Variants in CMTM3 observed in about 807,000 individuals in gnomAD.
CMTM3 encodes CKLF like MARVEL transmembrane domain containing 3, also known as CKLF-like MARVEL transmembrane domain-containing protein 3.
A neutral mutation model predicts 18.2 loss-of-function variants in CMTM3; 7 were observed. The ratio of observed to expected loss-of-function variants is 0.38; its 90% confidence interval spans 0.22 to 0.72. The LOEUF is 0.72. Among genes scored for constraint, CMTM3 ranks in the 30% least tolerant of loss-of-function variants. The pLI, the probability that CMTM3 is intolerant of heterozygous loss-of-function variation, is 0.46. For missense variants in CMTM3, 227 were observed against 249.2 expected, an observed-to-expected ratio of 0.91 and a Z score of 0.60; for synonymous variants, 109 against 111.2, an observed-to-expected ratio of 0.98 and a Z score of 0.12.
At position 66,609,514 on chromosome 16, in the gene CMTM3, C is replaced by A. The variant is rs770637677; in HGVS notation, c.383C>A (p.Ala128Asp). ...GCCATCGCCAAGTACTCGGATGGGG[C>A]TTCCAAAGCCGCTGGGGTGAGCAGC... is the stretch of plus-strand genomic sequence containing the variant. The part of the protein sequence containing the change: ...ITAIAKYSDG[A>D]SKAAGVFGFF... Residue 128 changes from alanine (A) to aspartate (D), a missense_variant, in exon 3 of 5, where the codon GCT (alanine) becomes GAT (aspartate). By Grantham distance (126) the Ala-to-Asp change is moderately radical. Coordinates refer to ENST00000567572, the MANE Select transcript of CMTM3 (RefSeq NM_181553.4). The surrounding 1 kb of genome is among the most constrained non-coding windows in gnomAD (Gnocchi z 4.4). 6.2e-7 allele frequency: 1 copy of A among 1,603,700 alleles called. No individual in the cohort carries two copies. Among genetic ancestry groups the A allele is most frequent in the Non-Finnish European group, 8.5e-7 (1 of 1,174,866 alleles).
Position 66,612,785 on chromosome 16 carries a change from G to C in CMTM3, c.*148G>C, listed in dbSNP as rs1306367960. The stretch of plus-strand genomic sequence containing the variant: ...CAGGCCCCCTACAGCCTCAGGTTCT[G>C]CCTGAGCCCAGCCTACCAGGCTTGC... On this transcript the variant is annotated 3_prime_UTR_variant, in exon 5 of 5. Transcript: ENST00000567572. The surrounding 1 kb of genome is among the most constrained non-coding windows in gnomAD (Gnocchi z 6.0). 5.2e-6 allele frequency: 4 copies of C among 763,544 alleles called. No homozygotes were observed. The highest frequency in any genetic ancestry group is 1.8e-5 in the African/African-American group (1 of 56,818). 47.3% of individuals were successfully genotyped at this position (763,544 alleles called of 1,614,324 possible).
chr16:66,612,651 G>A lies in CMTM3; in HGVS notation c.*14G>A. On this transcript the variant is annotated 3_prime_UTR_variant, in exon 5 of 5. Transcript: ENST00000567572. This position sits in a 1 kb window ranked among gnomAD's most constrained non-coding sequence, Gnocchi z 6.0. ...GACTCTGACTGAAGGCCTGGCGGGT[G>A]CCTTGGCAACCTGAGCCACACAGGC... 6.2e-7 allele frequency: 1 copy of A among 1,613,660 alleles called. No homozygotes were observed. The highest frequency in any genetic ancestry group is 1.1e-5 in the South Asian group (1 of 90,992).
Position 66,612,475 on chromosome 16 carries a change from G to A in CMTM3, c.521-134G>A. 1 of 835,838 alleles carries A rather than the reference G, an allele frequency of 1.2e-6. No homozygotes were observed. Among genetic ancestry groups the A allele is most frequent in the Non-Finnish European group, 1.9e-6 (1 of 523,536 alleles). 51.8% of individuals were successfully genotyped at this position (835,838 alleles called of 1,614,324 possible). A position where few individuals can be genotyped will look rare whatever the true frequency, so the allele number is the denominator to read the frequency against. On this transcript the variant is annotated intron_variant, in intron 4 of 4. Coordinates refer to ENST00000567572, the MANE Select transcript of CMTM3 (RefSeq NM_181553.4). This position sits in a 1 kb window ranked among gnomAD's most constrained non-coding sequence, Gnocchi z 6.0. Reference sequence around the variant, plus strand: ...CCTGCCCTGATGCCAGCGATCACTGGGAACGGTAGAGTCAGCTGCAGGAGG... The same window carrying A: ...CCTGCCCTGATGCCAGCGATCACTGAGAACGGTAGAGTCAGCTGCAGGAGG...
intron 1 of CMTM3, among the ~76,000 whole-genome samples, chr16:66,606,205 T>TCACTCCCACCCCC (rs1461595854): frequency 2.6e-5 from 4 of 151,828 alleles, no homozygotes; most frequent in African/African-American, 9.7e-5. Context: ...CCTAGTCCCC[T>TCACTCCCACCCCC]CACTCCCACC....
Position 66,608,528 on chromosome 16 carries a change from A to G in CMTM3, c.303+64A>G. 2.6e-6 allele frequency: 4 copies of G among 1,545,534 alleles called. No individual in the cohort carries two copies. Among genetic ancestry groups the G allele is most frequent in the Non-Finnish European group, 3.5e-6 (4 of 1,129,766 alleles). On this transcript the variant is annotated intron_variant, in intron 2 of 4. Coordinates refer to ENST00000567572, the MANE Select transcript of CMTM3 (RefSeq NM_181553.4). This position sits in a 1 kb window ranked among gnomAD's most constrained non-coding sequence, Gnocchi z 5.1. ...CAAAGTGGCCAGATGAGGAGTCCAG[A>G]GTCGTGCACTTGGGCCCTTATCCTT...
rs888437637 is a variant in CMTM3 at position 66,609,312 on chromosome 16, A to G, written c.304-123A>G. The G allele has an allele frequency of 2.5e-6, 2 of 785,704 alleles. No individual in the cohort carries two copies. Among genetic ancestry groups the G allele is most frequent in the South Asian group, 1.6e-5 (1 of 60,908 alleles). 48.7% of individuals were successfully genotyped at this position (785,704 alleles called of 1,614,324 possible). ...AGGGCCTAGGCATGTGGGTGGGGCC[A>G]GGATGGGATAGGAGCCCTCAGGTGC... is the stretch of plus-strand genomic sequence containing the variant. On this transcript the variant is annotated intron_variant, in intron 2 of 4. Transcript: ENST00000567572. The surrounding 1 kb of genome is among the most constrained non-coding windows in gnomAD (Gnocchi z 4.4).
rs749709795 is a variant in CMTM3, at chr16:66,609,842, G to A, written c.400-41G>A. On this transcript the variant is annotated intron_variant, in intron 3 of 4. Coordinates refer to ENST00000567572, the MANE Select transcript of CMTM3 (RefSeq NM_181553.4). The surrounding 1 kb of genome is among the most constrained non-coding windows in gnomAD (Gnocchi z 4.4). ...CTGGGGCAGCAGCCTCCCGGAGCAG[G>A]GAGTCAGCCCTGTGATGCATCCCAT... 2 of 1,614,064 alleles carry A rather than the reference G, an allele frequency of 1.2e-6. No homozygotes were observed. The highest frequency in any genetic ancestry group is 1.7e-6 in the Non-Finnish European group (2 of 1,180,046).
rs1298033058 is a variant in CMTM3, at chr16:66,613,113, G to C, written c.*476G>C. The C allele has an allele frequency of 1.4e-6, 1 of 703,068 alleles. No individual in the cohort carries two copies. Among genetic ancestry groups the C allele is most frequent in the Admixed American group, 2.0e-5 (1 of 50,024 alleles). 43.6% of individuals were successfully genotyped at this position (703,068 alleles called of 1,614,324 possible). A position where few individuals can be genotyped will look rare whatever the true frequency, so the allele number is the denominator to read the frequency against. On this transcript the variant is annotated 3_prime_UTR_variant, in exon 5 of 5. Coordinates refer to ENST00000567572, the MANE Select transcript of CMTM3 (RefSeq NM_181553.4). The stretch of plus-strand genomic sequence containing the variant: ...TGCTCCTGCCCACACCAGCCACTTT[G>C]GTGACAATGACCCTTCCAAGAATCT...
rs2015319305 is a variant in CMTM3 at position 66,610,083 on chromosome 16, TG to T, written c.520+84del. On this transcript the variant is annotated intron_variant, in intron 4 of 4. Coordinates refer to ENST00000567572, the MANE Select transcript of CMTM3 (RefSeq NM_181553.4). The surrounding 1 kb of genome is among the most constrained non-coding windows in gnomAD (Gnocchi z 4.6). ...TCGGGGATGCCAGCTAGTTTGAGGC[TG>T]GGGTGGGATCATTTCCTCTCTCCCC... 3 of 1,561,126 alleles carry T rather than the reference TG, an allele frequency of 1.9e-6. No individual in the cohort carries two copies. In the Admixed American group the frequency reaches 5.4e-5, roughly 28 times the overall value.
At position 66,609,774 on chromosome 16, in the gene CMTM3, ACT is replaced by A. The variant is rs758200035; in HGVS notation, c.400-107_400-106del. The A allele has an allele frequency of 1.2e-5, 20 of 1,606,808 alleles. No individual in the cohort carries two copies. Among genetic ancestry groups the A allele is most frequent in the Non-Finnish European group, 1.6e-5 (19 of 1,176,612 alleles). On this transcript the variant is annotated intron_variant, in intron 3 of 4. Coordinates refer to ENST00000567572, the MANE Select transcript of CMTM3 (RefSeq NM_181553.4). The surrounding 1 kb of genome is among the most constrained non-coding windows in gnomAD (Gnocchi z 4.4). ...TTACTCACAGGGGTCTGTGCCTGAC[ACT>A]CGGGCTGTTTGTCCAAGCAGATCTG...
Position 66,608,527 on chromosome 16 carries a change from G to C in CMTM3, c.303+63G>C, listed in dbSNP as rs1174420265. On this transcript the variant is annotated intron_variant, in intron 2 of 4. Transcript: ENST00000567572. The surrounding 1 kb of genome is among the most constrained non-coding windows in gnomAD (Gnocchi z 5.1). ...ACAAAGTGGCCAGATGAGGAGTCCAGAGTCGTGCACTTGGGCCCTTATCCT... is the reference window on the plus strand; with the variant it reads ...ACAAAGTGGCCAGATGAGGAGTCCACAGTCGTGCACTTGGGCCCTTATCCT... The C allele has an allele frequency of 7.1e-6, 11 of 1,556,372 alleles. No individual in the cohort carries two copies. Among genetic ancestry groups the C allele is most frequent in the Non-Finnish European group, 9.7e-6 (11 of 1,138,496 alleles).
Position 66,609,596 on chromosome 16 carries a change from CCTGGGGCAGAGCCTTTCCCTG to C in CMTM3, c.399+74_399+94del. 1 of 1,526,818 alleles carries C rather than the reference CCTGGGGCAGAGCCTTTCCCTG, an allele frequency of 6.5e-7. No homozygotes were observed. The allele number at this position is 1,526,818 out of a possible 1,614,324, so 94.6% of individuals were successfully genotyped here. ...CTCTAGCCCCTCATTTAGGGTGGGACCTGGGGCAGAGCCTTTCCCTGCTGGGGCCCCCCTGGGGTCTCATGT... is the reference window on the plus strand; with the variant it reads ...CTCTAGCCCCTCATTTAGGGTGGGACCTGGGGCCCCCCTGGGGTCTCATGT... On this transcript the variant is annotated intron_variant, in intron 3 of 4. Transcript: ENST00000567572. This position sits in a 1 kb window ranked among gnomAD's most constrained non-coding sequence, Gnocchi z 4.4.
intron 1 of CMTM3, among the ~76,000 whole-genome samples, chr16:66,607,723 G>T (rs540788097): frequency 2.6e-5 from 4 of 152,190 alleles, no homozygotes; most frequent in African/African-American, 9.7e-5. Context: ...TGCTTGGAAG[G>T]CTGGGGCTTT....
Position 66,608,091 on chromosome 16 carries a change from C to T in CMTM3, c.148-218C>T, listed in dbSNP as rs2015228322. Among the ~76,000 whole-genome samples the T allele has an allele frequency of 6.6e-6, 1 of 152,196 alleles. No homozygotes were observed. The highest frequency in any genetic ancestry group is 6.5e-5 in the Admixed American group (1 of 15,284). On this transcript the variant is annotated intron_variant, in intron 1 of 4. Coordinates refer to ENST00000567572, the MANE Select transcript of CMTM3 (RefSeq NM_181553.4). This position sits in a 1 kb window ranked among gnomAD's most constrained non-coding sequence, Gnocchi z 5.1. ...AAATTTCTGGGCTCAAGCAATCCAC[C>T]TGCCTGGGCCTCTCAAAGTGCTAGG...
Position 66,610,099 on chromosome 16 carries a change from CCT to C in CMTM3, c.520+102_520+103del. ...GTTTGAGGCTGGGGTGGGATCATTTCCTCTCTCCCCATGGCAGGAAGTGTTTT... is the reference window on the plus strand; with the variant it reads ...GTTTGAGGCTGGGGTGGGATCATTTCCTCTCCCCATGGCAGGAAGTGTTTT... On this transcript the variant is annotated intron_variant, in intron 4 of 4. Transcript: ENST00000567572. This position sits in a 1 kb window ranked among gnomAD's most constrained non-coding sequence, Gnocchi z 4.6. The C allele has an allele frequency of 2.0e-6, 3 of 1,474,828 alleles. No homozygotes were observed. Among genetic ancestry groups the C allele is most frequent in the Non-Finnish European group, 2.8e-6 (3 of 1,072,068 alleles). The allele number at this position is 1,474,828 out of a possible 1,614,324, so 91.4% of individuals were successfully genotyped here.
At position 66,609,391 on chromosome 16, in the gene CMTM3, G is replaced by A. The variant is rs760050557; in HGVS notation, c.304-44G>A. On this transcript the variant is annotated intron_variant, in intron 2 of 4. Coordinates refer to ENST00000567572, the MANE Select transcript of CMTM3 (RefSeq NM_181553.4). The surrounding 1 kb of genome is among the most constrained non-coding windows in gnomAD (Gnocchi z 4.4). ...CTGCCAGGCCTCCTCCCCATGCTGT[G>A]CTCAGCTCCAGGGGCTCAGGGCAGC... is the stretch of plus-strand genomic sequence containing the variant. The A allele has an allele frequency of 1.3e-6, 2 of 1,559,924 alleles. No individual in the cohort carries two copies. The highest frequency in any genetic ancestry group is 2.2e-5 in the East Asian group (1 of 44,552).
rs1039777974 is a variant in CMTM3 at position 66,605,982 on chromosome 16, A to G, written c.147+1030A>G. The stretch of plus-strand genomic sequence containing the variant: ...CCTGGAGACCACTGGGAGCCACTTG[A>G]GGGGAGAAGCCTCGAATCCACCGTC... On this transcript the variant is annotated intron_variant, in intron 1 of 4. Transcript: ENST00000567572. The surrounding 1 kb of genome is among the most constrained non-coding windows in gnomAD (Gnocchi z 4.6). Among the ~76,000 whole-genome samples, 3 of 151,906 alleles carry G rather than the reference A, an allele frequency of 2.0e-5. No individual in the cohort carries two copies. The highest frequency in any genetic ancestry group is 4.8e-5 in the African/African-American group (2 of 41,338).
In CMTM3 at chr16:66,604,941, C is replaced by T; in HGVS notation, c.136C>T (p.Leu46=). 1.3e-6 allele frequency: 2 copies of T among 1,503,248 alleles called. No individual in the cohort carries two copies. The highest frequency in any genetic ancestry group is 2.9e-5 in the African/African-American group (2 of 69,054). 93.1% of individuals were successfully genotyped at this position (1,503,248 alleles called of 1,614,324 possible). A position where few individuals can be genotyped will look rare whatever the true frequency, so the allele number is the denominator to read the frequency against. The change falls in exon 1 of 5, where the codon CTG becomes TTG. Residue 46 remains leucine (L), a synonymous_variant. Coordinates refer to ENST00000567572, the MANE Select transcript of CMTM3 (RefSeq NM_181553.4). The part of the protein sequence containing the change: ...FLCSLKGRLL[L]AESGLSFITF... ...CTGCTCTCTCAAAGGCCGCCTCCTG[C>T]TGGCCGAGTCGGTGAGTGCGGCGGG...
In CMTM3 at chr16:66,612,497, G is replaced by T; in HGVS notation, c.521-112G>T. ...CTGGGAACGGTAGAGTCAGCTGCAG[G>T]AGGCCTGCACCCAGGCTCCTGCCAG... On this transcript the variant is annotated intron_variant, in intron 4 of 4. Coordinates refer to ENST00000567572, the MANE Select transcript of CMTM3 (RefSeq NM_181553.4). The surrounding 1 kb of genome is among the most constrained non-coding windows in gnomAD (Gnocchi z 6.0). The T allele has an allele frequency of 9.3e-7, 1 of 1,076,632 alleles. No individual in the cohort carries two copies. Among genetic ancestry groups the T allele is most frequent in the Non-Finnish European group, 1.4e-6 (1 of 723,384 alleles). The allele number at this position is 1,076,632 out of a possible 1,614,324, so 66.7% of individuals were successfully genotyped here.
Sources: gnomAD v4.1 joint callset for allele counts (sites outside exome capture counted in the v4.1 genomes callset) on GRCh38, gnomAD v4.1.1 for gene constraint, Gnocchi (gnomAD v3.1) non-coding constraint, MANE v1.5 for transcripts, NCBI Gene and HGNC (gene_info 2026-07-23, HGNC 2026-07-21) for gene names.